Variants in ICA1L observed in about 807,000 individuals in gnomAD.
The protein encoded by ICA1L is islet cell autoantigen 1 like.
In ICA1L, 50 loss-of-function variants were observed where a neutral mutation model predicts 61.3. The observed-to-expected ratio is 0.82, with a 90% CI of 0.65 to 1.03. The LOEUF is 1.03. Ranked by LOEUF, ICA1L falls within the 50% of genes least tolerant of loss-of-function variation. The pLI, the probability that ICA1L is intolerant of heterozygous loss-of-function variation, is 0.00. For missense variants in ICA1L, 508 were observed against 556.7 expected, an observed-to-expected ratio of 0.91 and a Z score of 0.88; for synonymous variants, 161 against 191.3, an observed-to-expected ratio of 0.84 and a Z score of 1.31.
In ICA1L at chr2:202,775,894, T is replaced by C. The variant is rs1292416719; in HGVS notation, c.*3639A>G. 6.6e-6 allele frequency: 1 copy of C among 152,220 alleles called. No homozygotes were observed. Among genetic ancestry groups the C allele is most frequent in the East Asian group, 1.9e-4 (1 of 5,204 alleles). 9.4% of individuals were successfully genotyped at this position (152,220 alleles called of 1,614,324 possible). ...TCAACTCAATGTACTTTCCTAATAC[T>C]ATGATCTTGAGGTAAAACCCAAGTT... is the stretch of plus-strand genomic sequence containing the variant. On this transcript the variant is annotated 3_prime_UTR_variant, in exon 13 of 13. Transcript: ENST00000358299.
chr2:202,797,059 G>T, intron 9 of ICA1L, 95 bp from the exon 10 acceptor site: 3 of 640,922 alleles, frequency 4.7e-6, no homozygotes, highest in South Asian at 4.5e-5. Context: ...GTGTTCAATT[G>T]ACCAAATCAG....
At chr2:202,843,308 GT>G (rs1479975853) in intron 1 of ICA1L, among the ~76,000 whole-genome samples, 2 of 152,172 alleles carry the variant, frequency 1.3e-5, no homozygotes, top group Non-Finnish European at 2.9e-5. Context: ...GGGTGCAGTG[GT>G]TCTGGCACTA....
At chr2:202,836,340 G>A (rs1025610873) in intron 1 of ICA1L, among the ~76,000 whole-genome samples, 3 of 152,166 alleles carry the variant, frequency 2.0e-5, no homozygotes, top group African/African-American at 7.2e-5. Context: ...TGGTGAATAT[G>A]CAGATTCACA....
rs570611131 is a variant in ICA1L at position 202,859,881 on chromosome 2, C to T, written c.-8+11738G>A. Reference sequence around the variant, plus strand: ...ATCTCCTTTGGTCTTCATAATATCCCCAGAAAGCTAAAAATGGCAGGTTTT... The same window carrying T: ...ATCTCCTTTGGTCTTCATAATATCCTCAGAAAGCTAAAAATGGCAGGTTTT... On this transcript the variant is annotated intron_variant, in intron 1 of 12. Coordinates refer to ENST00000358299, the MANE Select transcript of ICA1L (RefSeq NM_001288622.3). 7.2e-4 allele frequency among the ~76,000 whole-genome samples: 109 copies of T among 152,130 alleles called. 1 individual carries two copies. The highest frequency in any genetic ancestry group is 2.5e-3 in the African/African-American group (102 of 41,510).
At chr2:202,836,448 T>C (rs1316544825) in intron 1 of ICA1L, among the ~76,000 whole-genome samples, 1 of 152,210 alleles carries the variant, frequency 6.6e-6, no homozygotes, top group Non-Finnish European at 1.5e-5. Context: ...TCTATGTTTA[T>C]CAAAGATATT....
At chr2:202,783,384 C>T (rs1692473252) in intron 12 of ICA1L, among the ~76,000 whole-genome samples, 1 of 152,170 alleles carries the variant, frequency 6.6e-6, no homozygotes, top group Non-Finnish European at 1.5e-5. Context: ...GGCTTAACAT[C>T]ACCAGAAGTG....
chr2:202,803,533 C>T (rs1693147066), intron 9 of ICA1L, among the ~76,000 whole-genome samples: 1 of 151,468 alleles, frequency 6.6e-6, no homozygotes, highest in Non-Finnish European at 1.5e-5. Flanking sequence ...GACTTTAAGC[C>T]AAAAATCATT....
intron 9 of ICA1L, 58 bp downstream of exon 9, chr2:202,811,688 T>TA: frequency 1.0e-6 from 1 of 984,086 alleles, no homozygotes; most frequent in Non-Finnish European, 1.6e-6. Context: ...AAGGCTGTGA[T>TA]AAACTATTTT....
chr2:202,841,241 C>T (rs1694321199), intron 1 of ICA1L: 1 of 722,394 alleles, frequency 1.4e-6, no homozygotes, highest in East Asian at 2.6e-5. Context: ...TGATCTCATC[C>T]TCATATTTGT....
rs563733646 is a variant in ICA1L, at chr2:202,856,014, A to C, written c.-8+15605T>G. Among the ~76,000 whole-genome samples, 6 of 148,352 alleles carry C rather than the reference A, an allele frequency of 4.0e-5. No homozygotes were observed. In the South Asian group the frequency reaches 1.3e-3, roughly 33 times the overall value. The stretch of plus-strand genomic sequence containing the variant: ...GTTGAATCCGGGAGGCAGAGGTTGC[A>C]GTGAGCCGAGATTGCACCACTGTAC... On this transcript the variant is annotated intron_variant, in intron 1 of 12. Transcript: ENST00000358299.
chr2:202,861,819 A>C (rs1393049167), intron 1 of ICA1L, among the ~76,000 whole-genome samples: 3 of 137,510 alleles, frequency 2.2e-5, no homozygotes, highest in Non-Finnish European at 3.1e-5. Context: ...CAGGATACAG[A>C]GGGTGAGTAA....
chr2:202,780,578 C>G (rs1692370899), intron 12 of ICA1L, among the ~76,000 whole-genome samples: 2 of 152,140 alleles, frequency 1.3e-5, no homozygotes, highest in African/African-American at 4.8e-5. Flanking sequence ...GGTTGAGACC[C>G]AGAGGACAGT....
chr2:202,830,565 C>T (rs1269005881), intron 1 of ICA1L, among the ~76,000 whole-genome samples: 2 of 152,106 alleles, frequency 1.3e-5, no homozygotes, highest in Non-Finnish European at 2.9e-5. Context: ...ATTATTCCAA[C>T]AAACTGTAAG....
intron 1 of ICA1L, chr2:202,840,771 C>A (rs540025085): frequency 5.4e-5 from 32 of 595,280 alleles, no homozygotes; most frequent in Admixed American, 3.0e-4. Flanking sequence ...CACTGCTAGG[C>A]ATCTGCGATG....
intron 1 of ICA1L, among the ~76,000 whole-genome samples, chr2:202,860,645 G>C (rs1278970926): frequency 6.6e-6 from 1 of 151,962 alleles, no homozygotes; most frequent in Non-Finnish European, 1.5e-5. Flanking sequence ...CCAGCTACTT[G>C]GGAGGCTGAG....
intron 12 of ICA1L, among the ~76,000 whole-genome samples, chr2:202,784,762 A>G (rs529642032): frequency 6.1e-4 from 93 of 152,214 alleles, no homozygotes; most frequent in Non-Finnish European, 1.0e-3. Context: ...TGAGGTATCT[A>G]AAGTAATCAG....
chr2:202,833,424 AT>A (rs1035012841), intron 1 of ICA1L, among the ~76,000 whole-genome samples: 4 of 152,128 alleles, frequency 2.6e-5, no homozygotes, highest in Non-Finnish European at 5.9e-5. Context: ...CTACAAAAAA[AT>A]AAAAGAAACA....
rs1692128871 is a variant in ICA1L at position 202,773,820 on chromosome 2, C to T, written c.*5713G>A. ...CAAGAGCAGGCTGTAAAAGCAAAGG[C>T]TAGCTGTGCAAGTGCAGCCCTGTGG... On this transcript the variant is annotated 3_prime_UTR_variant, in exon 13 of 13. Transcript: ENST00000358299. 2 of 1,392,222 alleles carry T rather than the reference C, an allele frequency of 1.4e-6. 1 individual carries two copies. Among genetic ancestry groups the T allele is most frequent in the South Asian group, 2.3e-5 (2 of 86,228 alleles). The allele number at this position is 1,392,222 out of a possible 1,614,324, so 86.2% of individuals were successfully genotyped here.
intron 9 of ICA1L, among the ~76,000 whole-genome samples, chr2:202,808,757 T>C (rs1312628223): frequency 6.6e-6 from 1 of 152,182 alleles, no homozygotes; most frequent in Admixed American, 6.5e-5. Context: ...TCCCAGATCT[T>C]ACCCAAGACC....
Sources: gnomAD v4.1 joint callset for allele counts (sites outside exome capture counted in the v4.1 genomes callset) on GRCh38, gnomAD v4.1.1 for gene constraint, MANE v1.5 for transcripts, NCBI Gene and HGNC (gene_info 2026-07-23, HGNC 2026-07-21) for gene names.